The following NLGN1 variants were observed in gnomAD, a reference collection of about 807,000 sequenced individuals.
NLGN1 encodes neuroligin 1.
In NLGN1, 12 loss-of-function variants were observed where a neutral mutation model predicts 65.5. The observed-to-expected ratio is 0.18, with a 90% CI of 0.12 to 0.30. The LOEUF (loss-of-function observed/expected upper bound fraction) is 0.30, where lower values mean the gene tolerates loss of function less well. NLGN1 is among the 10% of genes least tolerant of loss of function. NLGN1 has a pLI of 1.00. For missense variants in NLGN1, 750 were observed against 1,007.1 expected (o/e 0.74, Z 3.46); for synonymous variants, 350 against 359.5 (o/e 0.97, Z 0.30).
chr3:173,924,317 C>T lies in NLGN1; in HGVS notation c.646+116485C>T, dbSNP rs79093895. On this transcript the variant is annotated intron_variant, in intron 4 of 6. Coordinates refer to ENST00000457714, the Ensembl canonical transcript of NLGN1. Reference sequence around the variant, plus strand: ...ATTTTAAGACCTGATAAAGGTCTCTCAAACGTGAAAAATGTATTTCATTAA... The same window carrying T: ...ATTTTAAGACCTGATAAAGGTCTCTTAAACGTGAAAAATGTATTTCATTAA... Among the ~76,000 whole-genome samples, 499 of 152,046 alleles carry T rather than the reference C, an allele frequency of 3.3e-3. 2 individuals carry two copies. The highest frequency in any genetic ancestry group is 5.9e-3 in the Non-Finnish European group (403 of 67,992).
chr3:173,737,110 T>G (rs1773895774), intron 3 of NLGN1, among the ~76,000 whole-genome samples: 1 of 152,046 alleles, frequency 6.6e-6, no homozygotes, highest in Non-Finnish European at 1.5e-5. Flanking sequence ...CCACTGGTAG[T>G]TTATTTGTAA....
intron 2 of NLGN1, among the ~76,000 whole-genome samples, chr3:173,569,606 A>G (rs1424482293): frequency 1.0e-5 from 1 of 99,000 alleles, no homozygotes; most frequent in African/African-American, 3.9e-5. Flanking sequence ...TTTTCTATTT[A>G]TTTGTTTTTC....
In NLGN1 at chr3:173,678,477, A is replaced by G. The variant is rs78674981; in HGVS notation, c.493+73386A>G. ...GGCTTCACAAAGGATGTGATTTTGG[A>G]TCTATGTATTGAAGGAATCGTAGGA... is the stretch of plus-strand genomic sequence containing the variant. On this transcript the variant is annotated intron_variant, in intron 3 of 6. Coordinates refer to ENST00000457714, the Ensembl canonical transcript of NLGN1. 2.2e-3 allele frequency among the ~76,000 whole-genome samples: 340 copies of G among 152,204 alleles called. 9 individuals carry two copies. In the East Asian group the frequency reaches 0.042, roughly 19 times the overall value.
chr3:173,745,055 C>T (rs1323907276), intron 3 of NLGN1, among the ~76,000 whole-genome samples: 1 of 152,064 alleles, frequency 6.6e-6, no homozygotes, highest in Non-Finnish European at 1.5e-5. Context: ...TCATCCCTAA[C>T]CAGAACTGAT....
intron 2 of NLGN1, among the ~76,000 whole-genome samples, chr3:173,459,169 TTTGTTG>T (rs1722969740): frequency 6.6e-6 from 1 of 151,998 alleles, no homozygotes; most frequent in Admixed American, 6.6e-5. Flanking sequence ...AGTAATCTGT[TTTGTTG>T]TTCATCATTT....
At chr3:174,207,833 T>A (rs974521172) in intron 4 of NLGN1, among the ~76,000 whole-genome samples, 4 of 152,212 alleles carry the variant, frequency 2.6e-5, no homozygotes, top group Non-Finnish European at 5.9e-5. Flanking sequence ...AGGCCTTCAG[T>A]AGAAGTTGAA....
rs559570666 is a variant in NLGN1, at chr3:173,635,628, C to A, written c.493+30537C>A. ...AAATAAATGATCACCCGGCCAGGAA[C>A]TAACAAAAATCTGAATTCTTTCTTT... On this transcript the variant is annotated intron_variant, in intron 3 of 6. Transcript: ENST00000457714. Among the ~76,000 whole-genome samples, 171 of 152,202 alleles carry A rather than the reference C, an allele frequency of 1.1e-3. 1 individual carries two copies. Among genetic ancestry groups the A allele is most frequent in the African/African-American group, 3.7e-3 (155 of 41,554 alleles).
chr3:174,076,692 A>C (rs1356112867), intron 4 of NLGN1, among the ~76,000 whole-genome samples: 2 of 117,482 alleles, frequency 1.7e-5, no homozygotes, highest in African/African-American at 6.7e-5. Flanking sequence ...AGAGAGAGAG[A>C]GAGAGAGAGA....
At chr3:173,473,725 G>A (rs1384369600) in intron 2 of NLGN1, among the ~76,000 whole-genome samples, 1 of 152,074 alleles carries the variant, frequency 6.6e-6, no homozygotes, top group Non-Finnish European at 1.5e-5. Context: ...GTAATTTCTG[G>A]TGTATTTTAA....
At chr3:173,580,281 A>T (rs1464548431) in intron 2 of NLGN1, among the ~76,000 whole-genome samples, 2 of 152,184 alleles carry the variant, frequency 1.3e-5, no homozygotes, top group Non-Finnish European at 2.9e-5. Flanking sequence ...AGAAACCAAA[A>T]TAAGATATGT....
chr3:173,457,905 G>A (rs1189791723), intron 2 of NLGN1, among the ~76,000 whole-genome samples: 1 of 151,982 alleles, frequency 6.6e-6, no homozygotes, highest in Non-Finnish European at 1.5e-5. Context: ...GCATGTGTGT[G>A]GTGTGTGTAA....
intron 4 of NLGN1, among the ~76,000 whole-genome samples, chr3:174,035,431 T>G (rs1169628582): frequency 6.6e-6 from 1 of 152,208 alleles, no homozygotes; most frequent in African/African-American, 2.4e-5. Context: ...TAGAACCTTG[T>G]ACACCAGCCT....
At chr3:173,777,569 A>C (rs1025986341) in intron 3 of NLGN1, among the ~76,000 whole-genome samples, 2 of 151,836 alleles carry the variant, frequency 1.3e-5, no homozygotes, top group Non-Finnish European at 3.0e-5. Flanking sequence ...TATTATTAAC[A>C]ATAGTCAACC....
intron 2 of NLGN1, among the ~76,000 whole-genome samples, chr3:173,538,277 T>C (rs1275231849): frequency 6.6e-6 from 1 of 152,164 alleles, no homozygotes; most frequent in Non-Finnish European, 1.5e-5. Flanking sequence ...ACGAAATCTT[T>C]AGAAGACCAT....
At chr3:173,824,070 A>G (rs575808132) in intron 4 of NLGN1, among the ~76,000 whole-genome samples, 1 of 152,164 alleles carries the variant, frequency 6.6e-6, no homozygotes, top group East Asian at 1.9e-4. Context: ...GTTACAGCTG[A>G]AAGAGATGAT....
At chr3:174,103,501 T>C (rs1314452938) in intron 4 of NLGN1, among the ~76,000 whole-genome samples, 1 of 152,102 alleles carries the variant, frequency 6.6e-6, no homozygotes, top group Non-Finnish European at 1.5e-5. Flanking sequence ...GATTTTATTT[T>C]AAACATAATG....
chr3:173,721,141 C>G (rs576453781), intron 3 of NLGN1, among the ~76,000 whole-genome samples: 1 of 152,186 alleles, frequency 6.6e-6, no homozygotes, highest in Admixed American at 6.5e-5. Context: ...AAGCTGCAAG[C>G]CTCAACAATG....
At chr3:174,216,525 G>A (rs1314688850) in intron 4 of NLGN1, among the ~76,000 whole-genome samples, 3 of 152,038 alleles carry the variant, frequency 2.0e-5, no homozygotes, top group African/African-American at 2.4e-5. Context: ...TGTTAGTCTT[G>A]GGAAACTGAG....
At chr3:173,940,471 A>C (rs1001967144) in intron 4 of NLGN1, among the ~76,000 whole-genome samples, 1 of 152,140 alleles carries the variant, frequency 6.6e-6, no homozygotes, top group African/African-American at 2.4e-5. Flanking sequence ...TCTTTAACTC[A>C]ATCAACACCA....
Sources: gnomAD v4.1 joint callset for allele counts (sites outside exome capture counted in the v4.1 genomes callset) on GRCh38, gnomAD v4.1.1 for gene constraint, MANE v1.5 for transcripts, NCBI Gene and HGNC (gene_info 2026-07-23, HGNC 2026-07-21) for gene names.